NHS: variants seen among roughly 807,000 people sequenced by gnomAD.
The protein encoded by NHS is actin remodeling regulator NHS.
A neutral mutation model predicts 72.5 loss-of-function variants in NHS; 5 were observed. That is an observed-to-expected ratio of 0.07 (90% CI 0.04 to 0.14). The LOEUF (loss-of-function observed/expected upper bound fraction) is 0.14. Among genes scored for constraint, NHS ranks in the 10% least tolerant of loss-of-function variants. The pLI is 1.00. For synonymous variants in NHS, 464 were observed against 547.7 expected, an observed-to-expected ratio of 0.85 and a Z score of 2.13; for missense variants, 1,072 against 1,355.7, an observed-to-expected ratio of 0.79 and a Z score of 3.29.
chrX:17,549,730 A>C (rs2065320746), intron 1 of NHS, among the ~76,000 whole-genome samples: 1 of 111,716 alleles, frequency 9.0e-6, no homozygotes, highest in Admixed American at 9.5e-5. Context: ...TCAGAGGTAG[A>C]AGGGCAGCTG....
intron 1 of NHS, among the ~76,000 whole-genome samples, chrX:17,474,923 C>T (rs1450782673): frequency 9.0e-6 from 1 of 111,226 alleles, no homozygotes; most frequent in Non-Finnish European, 1.9e-5. Context: ...CAAATGGCAT[C>T]ATCCTAGACC....
chrX:17,679,537 GA>G (rs2066110206), intron 1 of NHS, among the ~76,000 whole-genome samples: 1 of 111,457 alleles, frequency 9.0e-6, no homozygotes. Flanking sequence ...GATAGTCTGT[GA>G]GGAGTGCAAA....
chrX:17,563,782 C>T (rs17273746), intron 1 of NHS, among the ~76,000 whole-genome samples: 2,764 of 98,807 alleles, frequency 0.028, 85 homozygotes, highest in Admixed American at 0.079. Flanking sequence ...GGGTGGCAAA[C>T]GTATGTGATG....
chrX:17,571,386 G>A (rs1247176573), intron 1 of NHS, among the ~76,000 whole-genome samples: 1 of 111,972 alleles, frequency 8.9e-6, no homozygotes, highest in Non-Finnish European at 1.9e-5. Context: ...CTTCTTCCTG[G>A]TTTAGTCTTG....
chrX:17,602,992 C>A (rs2065659793), intron 1 of NHS, among the ~76,000 whole-genome samples: 1 of 109,735 alleles, frequency 9.1e-6, no homozygotes, highest in African/African-American at 3.3e-5. Context: ...AGGCATGTAC[C>A]ACCACGCCCA....
chrX:17,470,299 C>T (rs907790537), intron 1 of NHS, among the ~76,000 whole-genome samples: 6 of 110,982 alleles, frequency 5.4e-5, no homozygotes, highest in African/African-American at 1.3e-4. Flanking sequence ...TCTACTCCCA[C>T]GCACTGCCCG....
chrX:17,714,885 A>G (rs907667885), intron 3 of NHS, among the ~76,000 whole-genome samples: 1 of 112,425 alleles, frequency 8.9e-6, no homozygotes, highest in East Asian at 2.8e-4. Flanking sequence ...TATTTCTTAG[A>G]TAATTTAGAA....
At position 17,725,738 on chromosome X, in the gene NHS, T is replaced by C. The variant is rs1393132447; in HGVS notation, c.1632T>C (p.Asp544=). Residue 544 remains aspartate, a synonymous_variant, in exon 7 of 9, where the codon GAT becomes GAC. Coordinates refer to ENST00000676302, the MANE Select transcript of NHS (RefSeq NM_001291867.2). ...GTGACCATGAAAGAACCCCTAATGA[T>C]TTCAGTGAGGCTCCAAGCAGCCCGA... ...FVGDHERTPN[D]FSEAPSSPSA... The C allele has an allele frequency of 1.7e-6, 2 of 1,208,979 alleles. No individual in the cohort carries two copies. The highest frequency in any genetic ancestry group is 2.2e-6 in the Non-Finnish European group (2 of 895,023).
At chrX:17,524,325 G>T (rs2065163384) in intron 1 of NHS, among the ~76,000 whole-genome samples, 3 of 111,805 alleles carry the variant, frequency 2.7e-5, no homozygotes, top group Non-Finnish European at 5.6e-5. Flanking sequence ...CATTTCCCAA[G>T]AATGAGAATA....
intron 1 of NHS, among the ~76,000 whole-genome samples, chrX:17,441,654 TTTCCTTCCTTCC>T (rs746989423): frequency 3.6e-5 from 4 of 111,128 alleles, no homozygotes; most frequent in Non-Finnish European, 5.7e-5. Flanking sequence ...CCTTCCAGTT[TTTCCTTCCTTCC>T]TTCCTTCCTT....
chrX:17,453,492 T>C (rs1439105448), intron 1 of NHS, among the ~76,000 whole-genome samples: 6 of 111,928 alleles, frequency 5.4e-5, no homozygotes, highest in Non-Finnish European at 1.1e-4. Flanking sequence ...ATCTCATTAT[T>C]ACCTCAAAAT....
intron 1 of NHS, among the ~76,000 whole-genome samples, chrX:17,414,174 C>G (rs1424084025): frequency 8.9e-6 from 1 of 112,212 alleles, no homozygotes; most frequent in Non-Finnish European, 1.9e-5. Context: ...AATTTCTTCC[C>G]TTACTGCTTT....
At chrX:17,723,320 T>C (rs760743352) in intron 5 of NHS, among the ~76,000 whole-genome samples, 2 of 112,058 alleles carry the variant, frequency 1.8e-5, no homozygotes, top group South Asian at 3.7e-4. Context: ...AAGCACGGCA[T>C]TGTGACTTTC....
intron 1 of NHS, among the ~76,000 whole-genome samples, chrX:17,444,410 T>C (rs192553375): frequency 7.9e-4 from 88 of 111,668 alleles, no homozygotes; most frequent in Non-Finnish European, 1.1e-3. Context: ...TAAGAAGTGC[T>C]TCTCTAAGCC....
chrX:17,728,849 A>C, intron 8 of NHS, 74 bp downstream of exon 8: 1 of 1,150,842 alleles, frequency 8.7e-7, no homozygotes, highest in Non-Finnish European at 1.2e-6. Context: ...ACTTCTCACA[A>C]ATGCAAATAC....
intron 3 of NHS, among the ~76,000 whole-genome samples, chrX:17,708,860 G>C (rs1425968161): frequency 9.0e-6 from 1 of 111,535 alleles, no homozygotes; most frequent in Non-Finnish European, 1.9e-5. Context: ...GAAGGATCTT[G>C]AATGCCAGAC....
At chrX:17,582,831 T>C (rs778231006) in intron 1 of NHS, among the ~76,000 whole-genome samples, 1 of 112,610 alleles carries the variant, frequency 8.9e-6, no homozygotes, top group East Asian at 2.8e-4. Flanking sequence ...AAGTGTGTGC[T>C]CACAGGCAGA....
chrX:17,593,999 A>C (rs999625225), intron 1 of NHS, among the ~76,000 whole-genome samples: 1 of 111,774 alleles, frequency 8.9e-6, no homozygotes, highest in African/African-American at 3.3e-5. Flanking sequence ...GTCTCCACTA[A>C]GGAGAAGCAC....
intron 1 of NHS, among the ~76,000 whole-genome samples, chrX:17,503,196 T>G (rs754258800): frequency 5.3e-5 from 6 of 112,677 alleles, no homozygotes; most frequent in Non-Finnish European, 1.1e-4. Flanking sequence ...GGTTTTGCCC[T>G]GGCAATGATG....
Sources: allele counts gnomAD v4.1 joint callset (sites outside exome capture counted in the v4.1 genomes callset), GRCh38; gene constraint gnomAD v4.1.1; transcripts MANE v1.5; gene names NCBI Gene and HGNC (gene_info 2026-07-23, HGNC 2026-07-21).